The following RBM6 variants were observed in gnomAD, a reference collection of about 807,000 sequenced individuals.
RBM6 encodes the protein RNA binding motif protein 6, also known as RNA-binding protein 6.
Under a neutral mutation model 140.4 loss-of-function variants are expected in RBM6, and 23 were observed. That is an observed-to-expected ratio of 0.16 (90% CI 0.12 to 0.23). RBM6 has a LOEUF of 0.23. Among genes scored for constraint, RBM6 ranks in the 10% least tolerant of loss-of-function variants. The pLI, the probability that RBM6 is intolerant of heterozygous loss-of-function variation, is 1.00. For missense variants in RBM6, 1,139 were observed against 1,386.7 expected (o/e 0.82, Z 2.84); for synonymous variants, 439 against 475.6 (o/e 0.92, Z 1.00).
intron 5 of RBM6, among the ~76,000 whole-genome samples, chr3:49,979,141 C>G (rs1425088911): frequency 6.6e-6 from 1 of 152,042 alleles, no homozygotes; most frequent in East Asian, 1.9e-4. Context: ...GTTGGATGAA[C>G]CTTGAAAACA....
chr3:49,966,204 C>T (rs1269100913), intron 2 of RBM6, among the ~76,000 whole-genome samples: 1 of 152,180 alleles, frequency 6.6e-6, no homozygotes. Flanking sequence ...AATCAGTTGT[C>T]CTTTGAATTT....
chr3:50,061,335 C>T, intron 13 of RBM6, 114 bp downstream of exon 13: 2 of 1,588,476 alleles, frequency 1.3e-6, no homozygotes, highest in Non-Finnish European at 1.7e-6. Flanking sequence ...GGGTGCTCAT[C>T]CAGAGAGAGG....
At chr3:50,068,816 G>A (rs767901956) in intron 18 of RBM6, 52 bp downstream of exon 18, 1 of 1,509,708 alleles carries the variant, frequency 6.6e-7, no homozygotes, top group South Asian at 1.1e-5. Flanking sequence ...TTTGCTTTCT[G>A]ATATAGACTT....
chr3:50,018,845 TC>T (rs1211558625), intron 6 of RBM6, among the ~76,000 whole-genome samples: 1 of 152,080 alleles, frequency 6.6e-6, no homozygotes, highest in Non-Finnish European at 1.5e-5. Context: ...CACCTCGGCC[TC>T]CCAAAGTGTT....
At chr3:50,052,984 GGGGTGT>G (rs1319380104) in intron 7 of RBM6, among the ~76,000 whole-genome samples, 1 of 123,944 alleles carries the variant, frequency 8.1e-6, no homozygotes, top group Non-Finnish European at 1.7e-5. Flanking sequence ...GCAGTGGGCA[GGGGTGT>G]GTGTGTGTGT....
At chr3:49,968,853 T>C in intron 3 of RBM6, 105 bp downstream of exon 3, 2 of 1,316,090 alleles carry the variant, frequency 1.5e-6, no homozygotes, top group East Asian at 2.6e-5. Flanking sequence ...CGATCTCTGC[T>C]CATGCAAGCT....
rs144057245 is a variant in RBM6, at chr3:50,041,283, C to G, written c.1558-6962C>G. Among the ~76,000 whole-genome samples, 5 of 152,118 alleles carry G rather than the reference C, an allele frequency of 3.3e-5. No individual in the cohort carries two copies. The East Asian group carries it at 9.6e-4, about 29-fold the overall frequency. On this transcript the variant is annotated intron_variant, in intron 6 of 20. Transcript: ENST00000266022. The stretch of plus-strand genomic sequence containing the variant: ...CCTTATCTCCTGGATGCTCAAAGTG[C>G]AGCTCAGATCCTGTTGGGTAAAAAG...
chr3:49,956,854 G>A (rs1459991058), intron 1 of RBM6, among the ~76,000 whole-genome samples: 10 of 150,458 alleles, frequency 6.6e-5, no homozygotes, highest in African/African-American at 1.5e-4. Context: ...TAGTAGAGAC[G>A]GGGTTTCTCC....
rs548151481 is a variant in RBM6 at position 49,965,436 on chromosome 3, G to A, written c.45-2034G>A. Among the ~76,000 whole-genome samples the A allele has an allele frequency of 8.6e-5, 13 of 151,878 alleles. No homozygotes were observed. In the South Asian group the frequency reaches 2.1e-3, roughly 24 times the overall value. On this transcript the variant is annotated intron_variant, in intron 2 of 20. Transcript: ENST00000266022. ...TGTAATCCCAGCACTTTGGGAGGCC[G>A]AGGCGGGTGGATCACGAGGTCAGGA...
intron 1 of RBM6, among the ~76,000 whole-genome samples, chr3:49,943,679 C>T (rs2083378770): frequency 6.6e-6 from 1 of 152,102 alleles, no homozygotes. Flanking sequence ...GTCTCAAACT[C>T]CTGGCCTCAA....
chr3:50,021,379 C>T (rs1358735027), intron 6 of RBM6, among the ~76,000 whole-genome samples: 1 of 152,130 alleles, frequency 6.6e-6, no homozygotes, highest in African/African-American at 2.4e-5. Flanking sequence ...GTGGCTCATA[C>T]CTGTAATCCT....
chr3:50,060,819 A>G (rs577563901), intron 11 of RBM6, 137 bp from the exon 12 acceptor site: 3 of 689,772 alleles, frequency 4.3e-6, no homozygotes, highest in Non-Finnish European at 6.7e-6. Flanking sequence ...GGACCACCCA[A>G]CCTGCTTGCT....
chr3:50,016,372 A>G (rs2108781190), intron 6 of RBM6, among the ~76,000 whole-genome samples: 1 of 152,274 alleles, frequency 6.6e-6, no homozygotes, highest in Middle Eastern at 3.4e-3. Flanking sequence ...AATGGATATC[A>G]TGGCTATTGT....
At chr3:50,068,823 A>T in intron 18 of RBM6, 59 bp downstream of exon 18, 1 of 1,467,814 alleles carries the variant, frequency 6.8e-7, no homozygotes, top group Non-Finnish European at 9.5e-7. Context: ...TCTGATATAG[A>T]CTTCATAGGC....
intron 7 of RBM6, 96 bp from the exon 8 acceptor site, chr3:50,054,239 C>CTTTT: frequency 1.0e-6 from 1 of 999,870 alleles, no homozygotes; most frequent in East Asian, 2.4e-5. Flanking sequence ...TGGGATATGG[C>CTTTT]TTGTTTCTTT....
intron 6 of RBM6, among the ~76,000 whole-genome samples, chr3:50,012,009 GC>G (rs1365571055): frequency 6.6e-6 from 1 of 151,608 alleles, no homozygotes; most frequent in East Asian, 2.0e-4. Flanking sequence ...GAACCATCGT[GC>G]CCAGCTAATT....
At chr3:50,058,083 A>C in intron 9 of RBM6, 80 bp downstream of exon 9, 1 of 1,503,302 alleles carries the variant, frequency 6.7e-7, no homozygotes, top group Non-Finnish European at 9.0e-7. Context: ...TCCGGGAGCT[A>C]TCTGCTTTCC....
At chr3:50,052,046 A>G (rs1269657960) in intron 7 of RBM6, among the ~76,000 whole-genome samples, 1 of 152,170 alleles carries the variant, frequency 6.6e-6, no homozygotes, top group African/African-American at 2.4e-5. Flanking sequence ...TTGTACACAT[A>G]AAATAGGTAA....
Position 50,057,844 on chromosome 3 carries a change from C to G in RBM6, c.1810C>G (p.Pro604Ala). The G allele has an allele frequency of 6.2e-7, 1 of 1,613,742 alleles. No individual in the cohort carries two copies. Among genetic ancestry groups the G allele is most frequent in the Non-Finnish European group, 8.5e-7 (1 of 1,179,958 alleles). ...PLRPADKEPE[P>A]RKREEGQESR... ...AAGACCAGCTGATAAGGAACCTGAA[C>G]CCAGGAAGAGGGAAGAAGGCCAAGA... Residue 604 changes from proline to alanine, a missense_variant, in exon 9 of 21, where the codon CCC becomes GCC. Pro to Ala is a conservative substitution (Grantham distance 27). Transcript: ENST00000266022.
Sources: allele counts gnomAD v4.1 joint callset (sites outside exome capture counted in the v4.1 genomes callset), GRCh38; gene constraint gnomAD v4.1.1; transcripts MANE v1.5; gene names NCBI Gene and HGNC (gene_info 2026-07-23, HGNC 2026-07-21).